DPP10: variants seen among roughly 807,000 people sequenced by gnomAD.
DPP10 encodes dipeptidyl peptidase like 10, also known as inactive dipeptidyl peptidase 10.
Under a neutral mutation model 120.9 loss-of-function variants are expected in DPP10, and 33 were observed. That is an observed-to-expected ratio of 0.27 (90% CI 0.21 to 0.37). The LOEUF (loss-of-function observed/expected upper bound fraction) is 0.37, where lower values mean the gene tolerates loss of function less well. Ranked by LOEUF, DPP10 falls within the 10% of genes least tolerant of loss-of-function variation. The pLI, the probability that DPP10 is intolerant of heterozygous loss-of-function variation, is 1.00. For missense variants in DPP10, 816 were observed against 942.8 expected (o/e 0.87, Z 1.76); for synonymous variants, 337 against 326.1 (o/e 1.03, Z -0.36).
At position 114,714,640 on chromosome 2, in the gene DPP10, A is replaced by C. The variant is rs543004756; in HGVS notation, c.60+271802A>C. On this transcript the variant is annotated intron_variant, in intron 1 of 25. Transcript: ENST00000410059. The stretch of plus-strand genomic sequence containing the variant: ...CCAAGTTCTAGTTTCTGAAAAGCTC[A>C]TGGCATATTTAGGGTTTGGTTATTT... Among the ~76,000 whole-genome samples the C allele has an allele frequency of 2.2e-4, 33 of 152,290 alleles. 1 individual carries two copies. The Middle Eastern group carries it at 0.017, about 78-fold the overall frequency.
chr2:115,824,313 T>A (rs1010206671), intron 21 of DPP10, among the ~76,000 whole-genome samples: 9 of 152,214 alleles, frequency 5.9e-5, no homozygotes, highest in African/African-American at 1.2e-4. Context: ...TTAATTTTTT[T>A]AAAATTTTAC....
At chr2:114,673,385 C>T (rs1193875301) in intron 1 of DPP10, among the ~76,000 whole-genome samples, 4 of 152,210 alleles carry the variant, frequency 2.6e-5, no homozygotes, top group African/African-American at 4.8e-5. Context: ...CAGATCTCAT[C>T]CAACAGGAAA....
intron 1 of DPP10, among the ~76,000 whole-genome samples, chr2:115,266,913 T>G (rs1282108126): frequency 4.6e-5 from 7 of 152,102 alleles, no homozygotes; most frequent in South Asian, 2.1e-4. Flanking sequence ...GGGGGGAGAA[T>G]TGGATAAATT....
intron 1 of DPP10, among the ~76,000 whole-genome samples, chr2:114,745,714 C>T (rs936682986): frequency 2.0e-5 from 3 of 152,142 alleles, no homozygotes; most frequent in African/African-American, 7.2e-5. Flanking sequence ...CAAGTGTCTA[C>T]AGAAACTAAA....
chr2:115,011,148 C>T lies in DPP10; in HGVS notation c.61-298091C>T, dbSNP rs115398166. ...TATTGTGGTCAAAGAACATACACTGCATAATTTTAAATGTTTTAGATTTGT... is the reference window on the plus strand; with the variant it reads ...TATTGTGGTCAAAGAACATACACTGTATAATTTTAAATGTTTTAGATTTGT... On this transcript the variant is annotated intron_variant, in intron 1 of 25. Transcript: ENST00000410059. 5.0e-3 allele frequency among the ~76,000 whole-genome samples: 756 copies of T among 152,250 alleles called. 11 individuals carry two copies. Among genetic ancestry groups the T allele is most frequent in the Non-Finnish European group, 4.2e-3 (285 of 68,022 alleles).
chr2:115,011,998 C>T (rs1702299228), intron 1 of DPP10, among the ~76,000 whole-genome samples: 1 of 152,028 alleles, frequency 6.6e-6, no homozygotes, highest in African/African-American at 2.4e-5. Flanking sequence ...CAGGGTGAGG[C>T]CTGTGACTGC....
chr2:115,420,153 C>T (rs2069807325), intron 3 of DPP10, among the ~76,000 whole-genome samples: 1 of 152,146 alleles, frequency 6.6e-6, no homozygotes, highest in African/African-American at 2.4e-5. Flanking sequence ...ATCATGCATT[C>T]TCCATCTGGA....
intron 1 of DPP10, among the ~76,000 whole-genome samples, chr2:114,741,557 G>A (rs903025884): frequency 3.9e-5 from 6 of 152,120 alleles, no homozygotes; most frequent in Non-Finnish European, 8.8e-5. Context: ...GTTCAATTGT[G>A]TTCCCCAAAA....
At chr2:115,253,713 G>T (rs544481061) in intron 1 of DPP10, among the ~76,000 whole-genome samples, 25 of 152,332 alleles carry the variant, frequency 1.6e-4, no homozygotes, top group Middle Eastern at 3.4e-3. Flanking sequence ...CTGCTGCAAG[G>T]GGTTGGCTCC....
chr2:114,681,908 G>A (rs1015500255), intron 1 of DPP10, among the ~76,000 whole-genome samples: 1 of 152,022 alleles, frequency 6.6e-6, no homozygotes, highest in Non-Finnish European at 1.5e-5. Flanking sequence ...GTGCTACAAT[G>A]CTTAGGAAAG....
chr2:115,202,137 C>A (rs987866120), intron 1 of DPP10, among the ~76,000 whole-genome samples: 3 of 151,962 alleles, frequency 2.0e-5, no homozygotes, highest in African/African-American at 7.3e-5. Flanking sequence ...CTGTGTTTTC[C>A]ATGGTGGTCT....
chr2:115,448,243 T>C (rs2072794707), intron 3 of DPP10, among the ~76,000 whole-genome samples: 2 of 152,000 alleles, frequency 1.3e-5, no homozygotes, highest in South Asian at 4.1e-4. Flanking sequence ...CCTTAGAGAC[T>C]CGGGATAGAG....
chr2:114,981,241 G>A (rs1050151566), intron 1 of DPP10, among the ~76,000 whole-genome samples: 5 of 152,074 alleles, frequency 3.3e-5, no homozygotes, highest in South Asian at 4.1e-4. Flanking sequence ...CACATTCTAC[G>A]ACATTTTTAT....
intron 1 of DPP10, among the ~76,000 whole-genome samples, chr2:114,594,419 TAC>T (rs1350008634): frequency 6.7e-6 from 1 of 148,738 alleles, no homozygotes; most frequent in African/African-American, 2.4e-5. Context: ...TATATGTGAA[TAC>T]ATATATGTAA....
intron 2 of DPP10, among the ~76,000 whole-genome samples, chr2:115,317,113 T>C (rs925299992): frequency 1.3e-5 from 2 of 151,940 alleles, no homozygotes; most frequent in African/African-American, 4.8e-5. Context: ...TCCATCTAGT[T>C]CCAAAACATA....
chr2:114,468,397 CAAAAAAAA>C (rs71297186), intron 1 of DPP10, among the ~76,000 whole-genome samples: 10 of 69,560 alleles, frequency 1.4e-4, no homozygotes, highest in South Asian at 6.8e-4. Context: ...GCTTACAATG[CAAAAAAAA>C]AAAAAAAAAA....
At chr2:115,749,095 A>G (rs1678381562) in intron 10 of DPP10, among the ~76,000 whole-genome samples, 1 of 152,194 alleles carries the variant, frequency 6.6e-6, no homozygotes. Context: ...TGGATGGGTT[A>G]TCTCATCTTG....
intron 5 of DPP10, among the ~76,000 whole-genome samples, chr2:115,619,063 G>A (rs2084740517): frequency 1.2e-5 from 1 of 82,206 alleles, no homozygotes; most frequent in East Asian, 3.8e-4. Flanking sequence ...AATACCTGTG[G>A]TGCAACACTG....
intron 3 of DPP10, among the ~76,000 whole-genome samples, chr2:115,426,747 C>T (rs2070505698): frequency 6.6e-6 from 1 of 152,162 alleles, no homozygotes; most frequent in South Asian, 2.1e-4. Flanking sequence ...CAAACTACAT[C>T]ATTCTGCCCT....
Sources: allele counts gnomAD v4.1 joint callset (sites outside exome capture counted in the v4.1 genomes callset), GRCh38; gene constraint gnomAD v4.1.1; transcripts MANE v1.5; gene names NCBI Gene and HGNC (gene_info 2026-07-23, HGNC 2026-07-21).